The following GHR variants were observed in gnomAD, a reference collection of about 807,000 sequenced individuals.
The protein encoded by GHR is growth hormone receptor.
GHR carries 35 observed loss-of-function variants against 67.1 expected under a neutral mutation model. That is an observed-to-expected ratio of 0.52 (90% CI 0.40 to 0.69). GHR has a LOEUF of 0.69. GHR is among the 30% of genes least tolerant of loss of function. GHR has a pLI of 0.00. For synonymous variants in GHR, 272 were observed against 269.1 expected (o/e 1.01, Z -0.10); for missense variants, 792 against 764.6 (o/e 1.04, Z -0.42).
chr5:42,476,582 T>G (rs1184124817), intron 1 of GHR, among the ~76,000 whole-genome samples: 1 of 152,166 alleles, frequency 6.6e-6, no homozygotes, highest in Admixed American at 6.5e-5. Flanking sequence ...ATTATGAAAA[T>G]CATGATGAGA....
At chr5:42,482,473 C>A (rs866957751) in intron 1 of GHR, among the ~76,000 whole-genome samples, 1 of 152,190 alleles carries the variant, frequency 6.6e-6, no homozygotes, top group Non-Finnish European at 1.5e-5. Flanking sequence ...GTGCCCTGCC[C>A]TCAGAGAGGG....
At position 42,652,300 on chromosome 5, in the gene GHR, G is replaced by A. The variant is rs554034345; in HGVS notation, c.136+23197G>A. Among the ~76,000 whole-genome samples the A allele has an allele frequency of 6.7e-4, 98 of 146,368 alleles. 1 individual carries two copies. The highest frequency in any genetic ancestry group is 6.1e-5 in the Non-Finnish European group (4 of 65,922). On this transcript the variant is annotated intron_variant, in intron 3 of 9. Transcript: ENST00000230882. ...TGTAGATTTTTAAAATTACATTCATGTGGTGAAGTTGACACTTTCTGTTGG... is the reference window on the plus strand; with the variant it reads ...TGTAGATTTTTAAAATTACATTCATATGGTGAAGTTGACACTTTCTGTTGG...
chr5:42,705,556 A>G (rs914136855), intron 6 of GHR, among the ~76,000 whole-genome samples: 1 of 151,856 alleles, frequency 6.6e-6, no homozygotes, highest in South Asian at 2.1e-4. Context: ...CCTTCCTTCC[A>G]CCCACTACCC....
chr5:42,606,961 G>T (rs1196033007), intron 2 of GHR, among the ~76,000 whole-genome samples: 5 of 152,108 alleles, frequency 3.3e-5, no homozygotes, highest in Non-Finnish European at 7.4e-5. Flanking sequence ...GTGAATTGGT[G>T]ATTATGGTTT....
intron 1 of GHR, among the ~76,000 whole-genome samples, chr5:42,554,988 T>A (rs1165001632): frequency 6.6e-6 from 1 of 152,164 alleles, no homozygotes; most frequent in Non-Finnish European, 1.5e-5. Context: ...CAATGAATGG[T>A]CCAAGTCCAA....
At chr5:42,573,814 A>C (rs905260708) in intron 2 of GHR, among the ~76,000 whole-genome samples, 1 of 152,194 alleles carries the variant, frequency 6.6e-6, no homozygotes, top group East Asian at 1.9e-4. Context: ...TAAAATCTTT[A>C]ATTTCTTGAT....
At chr5:42,588,551 A>T (rs1751613196) in intron 2 of GHR, among the ~76,000 whole-genome samples, 1 of 141,940 alleles carries the variant, frequency 7.0e-6, no homozygotes, top group Non-Finnish European at 1.5e-5. Flanking sequence ...AAAAAAAAAA[A>T]GTGACCTATA....
At chr5:42,430,572 GTTGTGCACTTAGATAAAA>G in intron 1 of GHR, among the ~76,000 whole-genome samples, 1 of 151,438 alleles carries the variant, frequency 6.6e-6, no homozygotes, top group South Asian at 2.1e-4. Context: ...TAATCATAGT[GTTGTGCACTTAGATAAAA>G]TTGTCCATGC....
intron 2 of GHR, among the ~76,000 whole-genome samples, chr5:42,618,679 C>G (rs1271469816): frequency 6.6e-6 from 1 of 152,118 alleles, no homozygotes; most frequent in Non-Finnish European, 1.5e-5. Flanking sequence ...ATCAGAAGCA[C>G]TTAACTTACT....
intron 3 of GHR, among the ~76,000 whole-genome samples, chr5:42,650,431 GTAA>G (rs1194869171): frequency 6.6e-6 from 1 of 151,900 alleles, no homozygotes; most frequent in Non-Finnish European, 1.5e-5. Context: ...GAATTAAAAG[GTAA>G]TAAGGCCCAT....
At chr5:42,534,559 CGTT>C (rs1158903411) in intron 1 of GHR, among the ~76,000 whole-genome samples, 1 of 151,338 alleles carries the variant, frequency 6.6e-6, no homozygotes, top group Admixed American at 6.6e-5. Context: ...TTTATCCACT[CGTT>C]GATTGATGAG....
intron 1 of GHR, among the ~76,000 whole-genome samples, chr5:42,451,738 T>TACAA: frequency 6.6e-6 from 1 of 152,174 alleles, no homozygotes; most frequent in Admixed American, 6.5e-5. Flanking sequence ...TGCTCACTTT[T>TACAA]AGTTTCCATT....
chr5:42,467,508 T>G (rs1247094689), intron 1 of GHR: 29 of 1,141,388 alleles, frequency 2.5e-5, no homozygotes, highest in Non-Finnish European at 3.7e-5. Flanking sequence ...GCCGAGCAAG[T>G]TGTGAGCTAT....
At chr5:42,432,721 A>C (rs1246428378) in intron 1 of GHR, among the ~76,000 whole-genome samples, 1 of 152,218 alleles carries the variant, frequency 6.6e-6, no homozygotes, top group Non-Finnish European at 1.5e-5. Flanking sequence ...AGATAAAGGA[A>C]AGGCATCATT....
chr5:42,689,696 A>T (rs1757332886), intron 4 of GHR, among the ~76,000 whole-genome samples: 1 of 152,180 alleles, frequency 6.6e-6, no homozygotes, highest in African/African-American at 2.4e-5. Flanking sequence ...GGAGAGTGAT[A>T]TGGGAAGGGA....
intron 1 of GHR, among the ~76,000 whole-genome samples, chr5:42,503,722 G>T (rs939382824): frequency 6.6e-6 from 1 of 152,174 alleles, no homozygotes; most frequent in African/African-American, 2.4e-5. Flanking sequence ...TAAGGGGCTA[G>T]GTGGGGCAGG....
At position 42,643,529 on chromosome 5, in the gene GHR, C is replaced by T. The variant is rs146207919; in HGVS notation, c.136+14426C>T. Among the ~76,000 whole-genome samples the T allele has an allele frequency of 2.9e-3, 445 of 152,244 alleles. 4 individuals are homozygous for T. The highest frequency in any genetic ancestry group is 7.8e-3 in the Admixed American group (120 of 15,292). ...AACACTAAGATTGTTAATGTCTACA[C>T]GACCTCTCCCTGGATATGAGCACAC... is the stretch of plus-strand genomic sequence containing the variant. On this transcript the variant is annotated intron_variant, in intron 3 of 9. Transcript: ENST00000230882.
At chr5:42,705,091 A>G (rs1046540867) in intron 6 of GHR, among the ~76,000 whole-genome samples, 2 of 152,164 alleles carry the variant, frequency 1.3e-5, no homozygotes, top group Non-Finnish European at 2.9e-5. Flanking sequence ...AAATACATAA[A>G]CATAATACAT....
At chr5:42,538,900 AATTGGGTTAATT>A (rs1748379792) in intron 1 of GHR, among the ~76,000 whole-genome samples, 1 of 151,950 alleles carries the variant, frequency 6.6e-6, no homozygotes, top group Admixed American at 6.6e-5. Flanking sequence ...GTCTTTGTTG[AATTGGGTTAATT>A]CAAAGACCTT....
Sources: allele counts gnomAD v4.1 joint callset (sites outside exome capture counted in the v4.1 genomes callset), GRCh38; gene constraint gnomAD v4.1.1; transcripts MANE v1.5; gene names NCBI Gene and HGNC (gene_info 2026-07-23, HGNC 2026-07-21).